Variants in PLA2G4F observed in about 807,000 individuals in gnomAD.
PLA2G4F encodes the protein phospholipase A2 group IVF.
A neutral mutation model predicts 103.1 loss-of-function variants in PLA2G4F; 105 were observed. The observed-to-expected ratio is 1.02, with a 90% CI of 0.87 to 1.20. PLA2G4F has a LOEUF of 1.20. PLA2G4F is among the 50% of genes most tolerant of loss of function. PLA2G4F has a pLI of 0.00. For synonymous variants in PLA2G4F, 468 were observed against 441.1 expected (o/e 1.06, Z -0.76); for missense variants, 1,155 against 1,075.9 (o/e 1.07, Z -1.03).
chr15:42,154,494 C>T, intron 2 of PLA2G4F, 36 bp from the exon 3 acceptor site: 1 of 1,517,804 alleles, frequency 6.6e-7, no homozygotes, highest in East Asian at 2.3e-5. Context: ...GGGCCTCAAG[C>T]TCTCATTGCT....
chr15:42,152,230 CATGTT>C (rs2048968239), intron 7 of PLA2G4F, among the ~76,000 whole-genome samples: 1 of 152,252 alleles, frequency 6.6e-6, no homozygotes, highest in South Asian at 2.1e-4. Flanking sequence ...TGGCCAATAA[CATGTT>C]AGGTAGTGGC....
intron 11 of PLA2G4F, among the ~76,000 whole-genome samples, chr15:42,148,181 CAAAAAAA>C (rs59009245): frequency 3.6e-4 from 31 of 85,742 alleles, no homozygotes; most frequent in African/African-American, 1.1e-3. Context: ...GACTCCGTCT[CAAAAAAA>C]AAAAAAAAAA....
chr15:42,145,974 T>A, intron 14 of PLA2G4F, 71 bp from the exon 15 acceptor site: 1 of 1,599,248 alleles, frequency 6.3e-7, no homozygotes, highest in Non-Finnish European at 8.5e-7. Flanking sequence ...GCAGGAATCT[T>A]AGCCTTGACA....
chr15:42,142,674 A>G lies in PLA2G4F; in HGVS notation c.2183T>C (p.Ile728Thr). Reference protein sequence around the residue: ...MTEKYCLDRGIPFPSIEVGPE... With the variant: ...MTEKYCLDRGTPFPSIEVGPE... ...GCCCACCTCGATGCTAGGGAAGGGG[A>G]TTCCTCGGTCCAGGCAGTACTTCTC... The change falls in exon 19 of 20, where the codon ATC (isoleucine) becomes ACC (threonine). Residue 728 changes from isoleucine (I) to threonine (T), a missense_variant. Physicochemically the swap from Ile to Thr is moderately conservative, Grantham distance 89. Around this residue, in one of 3 missense-constraint regions of PLA2G4F, gnomAD observed 782 missense variants for 692.9 expected, o/e 1.13. Transcript: ENST00000397272. 6.2e-7 allele frequency: 1 copy of G among 1,614,070 alleles called. No individual in the cohort carries two copies. The highest frequency in any genetic ancestry group is 1.6e-4 in the Middle Eastern group (1 of 6,062).
In PLA2G4F at chr15:42,141,668, T is replaced by TG; in HGVS notation, c.*315dup. The TG allele has an allele frequency of 1.9e-6, 1 of 513,336 alleles. No homozygotes were observed. The highest frequency in any genetic ancestry group is 3.8e-6 in the Non-Finnish European group (1 of 264,838). 31.8% of individuals were successfully genotyped at this position (513,336 alleles called of 1,614,324 possible). On this transcript the variant is annotated 3_prime_UTR_variant, in exon 20 of 20. Coordinates refer to ENST00000397272, the MANE Select transcript of PLA2G4F (RefSeq NM_213600.4). ...GGGCCCTCTGAGGTCCTTCTGTGTC[T>TG]GGGGTGGGCTCTGTGGCTCACCTGA...
rs1450756416 is a variant in PLA2G4F at position 42,146,166 on chromosome 15, C to T, written c.1495G>A (p.Val499Ile). ...CCACTCAAGTTGGTGCGGACGTTGACACTGGTGTAAATGGGGTAAGGGTTC... is the reference window on the plus strand; with the variant it reads ...CCACTCAAGTTGGTGCGGACGTTGATACTGGTGTAAATGGGGTAAGGGTTC... Reference protein sequence around the residue: ...GQNPYPIYTSVNVRTNLSGED... With the variant: ...GQNPYPIYTSINVRTNLSGED... The change falls in exon 14 of 20, where the codon GTC becomes ATC. Residue 499 changes from valine to isoleucine, a missense_variant. Coordinates refer to ENST00000397272, the MANE Select transcript of PLA2G4F (RefSeq NM_213600.4). 6.2e-7 allele frequency: 1 copy of T among 1,614,252 alleles called. No homozygotes were observed. Among genetic ancestry groups the T allele is most frequent in the East Asian group, 2.2e-5 (1 of 44,892 alleles).
rs762503073 is a variant in PLA2G4F, at chr15:42,154,420, T to G, written c.223A>C (p.Thr75Pro). 1.9e-6 allele frequency: 3 copies of G among 1,608,412 alleles called. No individual in the cohort carries two copies. The highest frequency in any genetic ancestry group is 2.6e-6 in the Non-Finnish European group (3 of 1,176,276). Reference protein sequence around the residue: ...ADCYVQLWLPTASPSPAQTRI... With the variant: ...ADCYVQLWLPPASPSPAQTRI... ...GTCTGGGCAGGGCTTGGGGACGCCG[T>G]GGGCAGCCACAGTTGCACATAGCAG... Residue 75 changes from threonine to proline, a missense_variant, in exon 3 of 20, where the codon ACG (threonine) becomes CCG (proline). Thr to Pro is a conservative substitution (Grantham distance 38). This residue lies in a region of PLA2G4F where 370 missense variants were observed against 364.9 expected (regional missense o/e 1.01). Coordinates refer to ENST00000397272, the MANE Select transcript of PLA2G4F (RefSeq NM_213600.4).
At position 42,141,419 on chromosome 15, in the gene PLA2G4F, CAGA is replaced by C; in HGVS notation, c.*562_*564del. The C allele has an allele frequency of 2.2e-6, 1 of 453,994 alleles. No individual in the cohort carries two copies. The highest frequency in any genetic ancestry group is 3.6e-4 in the Middle Eastern group (1 of 2,756). The allele number at this position is 453,994 out of a possible 1,614,324, so 28.1% of individuals were successfully genotyped here. A position where few individuals can be genotyped will look rare whatever the true frequency, so the allele number is the denominator to read the frequency against. On this transcript the variant is annotated 3_prime_UTR_variant, in exon 20 of 20. Coordinates refer to ENST00000397272, the MANE Select transcript of PLA2G4F (RefSeq NM_213600.4). ...GAGGAGGCACGAGGAGACCAGAAGG[CAGA>C]AGGAGGGTTAGGATGATGGAGTCAG... is the stretch of plus-strand genomic sequence containing the variant.
intron 1 of PLA2G4F, among the ~76,000 whole-genome samples, chr15:42,156,010 C>T (rs1037529316): frequency 2.0e-5 from 3 of 152,148 alleles, no homozygotes; most frequent in East Asian, 1.9e-4. Flanking sequence ...GCTCAAAGAC[C>T]GTCTAGGAGG....
chr15:42,147,474 G>T, intron 12 of PLA2G4F, 128 bp from the exon 13 acceptor site: 1 of 1,373,374 alleles, frequency 7.3e-7, no homozygotes, highest in Non-Finnish European at 1.0e-6. Flanking sequence ...ACCCAACTCA[G>T]AGGGGCGCTT....
At chr15:42,144,276 A>G in intron 17 of PLA2G4F, 132 bp from the exon 18 acceptor site, 1 of 1,397,526 alleles carries the variant, frequency 7.2e-7, no homozygotes. Context: ...TCCTGCCCCA[A>G]GCCCTTGGCC....
intron 7 of PLA2G4F, among the ~76,000 whole-genome samples, chr15:42,152,285 G>T (rs1361234715): frequency 6.6e-6 from 1 of 152,210 alleles, no homozygotes; most frequent in African/African-American, 2.4e-5. Context: ...ACTCAGTTGG[G>T]CTTGCTCTCT....
chr15:42,152,863 C>CAGGATGGAGGG, intron 6 of PLA2G4F, 109 bp from the exon 7 acceptor site: 1 of 1,062,662 alleles, frequency 9.4e-7, no homozygotes, highest in Non-Finnish European at 1.3e-6. Flanking sequence ...TGGCCCCATC[C>CAGGATGGAGGG]AGGATGGAGG....
chr15:42,145,597 G>T lies in PLA2G4F; in HGVS notation c.1758C>A (p.Tyr586Ter). 1.2e-6 allele frequency: 2 copies of T among 1,614,082 alleles called. No homozygotes were observed. The highest frequency in any genetic ancestry group is 1.7e-6 in the Non-Finnish European group (2 of 1,180,008). The change falls in exon 16 of 20, where the codon TAC becomes TAA. Residue 586 changes from tyrosine to a stop codon, truncating the protein, a stop_gained. Coordinates refer to ENST00000397272, the MANE Select transcript of PLA2G4F (RefSeq NM_213600.4). LOFTEE classifies it high-confidence loss of function. ...CACCTGTGATATTCACACTGCCTCT[G>T]TACCACTCCAGGAAGCTGAGGCCCG... is the stretch of plus-strand genomic sequence containing the variant. ...AGSGLSFLEW[Y>*]RGSVNITDDC...
At chr15:42,147,961 C>T (rs1376442120) in intron 11 of PLA2G4F, 199 bp from the exon 12 acceptor site, 9 of 385,144 alleles carry the variant, frequency 2.3e-5, no homozygotes, top group African/African-American at 8.8e-5. Context: ...GAGGCCGAGG[C>T]GGGCGGATCA....
At chr15:42,144,260 G>A in intron 17 of PLA2G4F, 116 bp from the exon 18 acceptor site, 3 of 1,411,794 alleles carry the variant, frequency 2.1e-6, no homozygotes, top group South Asian at 1.4e-5. Flanking sequence ...TGACAGCCAT[G>A]GAGACTCCTG....
rs974929507 is a variant in PLA2G4F, at chr15:42,139,216, G to A, written c.*2768C>T. On this transcript the variant is annotated 3_prime_UTR_variant, in exon 20 of 20. Transcript: ENST00000397272. ...AGGTCATGGGCGTAGATGATCAAAG[G>A]TCAGTTCCTGGTCAACAGAAGTAAA... 1.9e-5 allele frequency: 3 copies of A among 154,114 alleles called. No individual in the cohort carries two copies. Among genetic ancestry groups the A allele is most frequent in the African/African-American group, 7.2e-5 (3 of 41,524 alleles). The allele number at this position is 154,114 out of a possible 1,614,324, so 9.5% of individuals were successfully genotyped here.
At chr15:42,155,474 G>A (rs375705551) in intron 2 of PLA2G4F, 43 bp downstream of exon 2, 19 of 1,598,450 alleles carry the variant, frequency 1.2e-5, no homozygotes, top group East Asian at 2.2e-5. Context: ...TGAGGAAGCC[G>A]CAGGGAAAGG....
chr15:42,141,489 A>G lies in PLA2G4F; in HGVS notation c.*495T>C, dbSNP rs1032908737. ...TCCCCTCAGCCCCTCATTGTTCTTG[A>G]TAGCAGTGCATCCAGGAGCTCGAGG... On this transcript the variant is annotated 3_prime_UTR_variant, in exon 20 of 20. Transcript: ENST00000397272. 70 of 440,954 alleles carry G rather than the reference A, an allele frequency of 1.6e-4. No individual in the cohort carries two copies. Among genetic ancestry groups the G allele is most frequent in the Middle Eastern group, 4.5e-4 (1 of 2,224 alleles). The allele number at this position is 440,954 out of a possible 1,614,324, so 27.3% of individuals were successfully genotyped here.
Sources: gnomAD v4.1 joint callset for allele counts (sites outside exome capture counted in the v4.1 genomes callset) on GRCh38, gnomAD v4.1.1 for gene constraint, gnomAD v4.1.1 regional missense constraint, MANE v1.5 for transcripts, NCBI Gene and HGNC (gene_info 2026-07-23, HGNC 2026-07-21) for gene names.